PHACTR3: variants seen among roughly 807,000 people sequenced by gnomAD.
PHACTR3 encodes the protein phosphatase and actin regulator 3.
Under a neutral mutation model 66.8 loss-of-function variants are expected in PHACTR3, and 16 were observed. That is an observed-to-expected ratio of 0.24 (90% CI 0.16 to 0.36). The LOEUF (loss-of-function observed/expected upper bound fraction) is 0.36. Ranked by LOEUF, PHACTR3 falls within the 10% of genes least tolerant of loss-of-function variation. The pLI is 1.00. For missense variants in PHACTR3, 647 were observed against 719.9 expected (o/e 0.90, Z 1.16); for synonymous variants, 323 against 292.1 (o/e 1.11, Z -1.08).
intron 12 of PHACTR3, among the ~76,000 whole-genome samples, 155 bp downstream of exon 12, chr20:59,845,420 G>C (rs986631920): frequency 5.9e-5 from 9 of 152,118 alleles, no homozygotes; most frequent in African/African-American, 2.2e-4. Context: ...AAGTAAGAAT[G>C]CTGCCTGCTC....
At chr20:59,684,542 G>A (rs1302857391) in intron 1 of PHACTR3, among the ~76,000 whole-genome samples, 3 of 152,150 alleles carry the variant, frequency 2.0e-5, no homozygotes, top group South Asian at 2.1e-4. Context: ...ATCCACCCTA[G>A]GCTGATGGTG....
intron 1 of PHACTR3, among the ~76,000 whole-genome samples, chr20:59,618,013 G>A (rs1305385124): frequency 6.6e-6 from 1 of 152,218 alleles, no homozygotes; most frequent in Non-Finnish European, 1.5e-5. Context: ...AGCCCTGCGG[G>A]CTTGTGGAGG....
intron 8 of PHACTR3, among the ~76,000 whole-genome samples, chr20:59,835,162 G>A (rs1258325621): frequency 2.0e-5 from 3 of 152,216 alleles, no homozygotes; most frequent in Admixed American, 6.5e-5. Context: ...CATCTCCTGA[G>A]TGCTTGAATG....
chr20:59,787,320 G>C (rs2040947176), intron 7 of PHACTR3, among the ~76,000 whole-genome samples: 1 of 152,218 alleles, frequency 6.6e-6, no homozygotes, highest in Non-Finnish European at 1.5e-5. Flanking sequence ...TGGCTTCCGG[G>C]GCTGGGCTGG....
chr20:59,627,864 T>C (rs1261607362), intron 1 of PHACTR3, among the ~76,000 whole-genome samples: 1 of 152,234 alleles, frequency 6.6e-6, no homozygotes, highest in African/African-American at 2.4e-5. Context: ...TTTATTTATG[T>C]ATCAATATAT....
intron 3 of PHACTR3, among the ~76,000 whole-genome samples, chr20:59,752,553 G>A (rs1166472273): frequency 4.0e-5 from 1 of 24,946 alleles, no homozygotes; most frequent in East Asian, 1.1e-3. Flanking sequence ...CCGCAGCCCA[G>A]AGAAGTCCTG....
chr20:59,818,973 G>A (rs2041958200), intron 8 of PHACTR3, among the ~76,000 whole-genome samples: 1 of 152,040 alleles, frequency 6.6e-6, no homozygotes, highest in African/African-American at 2.4e-5. Context: ...TTGCTCCCTA[G>A]GAGACACTCG....
Position 59,755,346 on chromosome 20 carries a change from G to T in PHACTR3, c.523G>T (p.Ala175Ser). The change falls in exon 4 of 13, where the codon GCC (alanine) becomes TCC (serine). Residue 175 changes from alanine (A) to serine (S), a missense_variant. Ala to Ser is a moderately conservative substitution (Grantham distance 99). This residue lies in a region of PHACTR3 where 577 missense variants were observed against 571.1 expected (regional missense o/e 1.01). Transcript: ENST00000371015. ...VSLDKPLSSA[A>S]HLDDAAKMPS... Reference sequence around the variant, plus strand: ...CCTGGACAAGCCACTGTCCTCAGCTGCCCACTTGGACGATGCAGGTACTGG... The same window carrying T: ...CCTGGACAAGCCACTGTCCTCAGCTTCCCACTTGGACGATGCAGGTACTGG... 4 of 1,613,454 alleles carry T rather than the reference G, an allele frequency of 2.5e-6. No individual in the cohort carries two copies. The highest frequency in any genetic ancestry group is 2.5e-6 in the Non-Finnish European group (3 of 1,179,958).
At chr20:59,805,440 A>G (rs1172478912) in intron 7 of PHACTR3, among the ~76,000 whole-genome samples, 2 of 152,176 alleles carry the variant, frequency 1.3e-5, no homozygotes, top group Non-Finnish European at 2.9e-5. Context: ...AAAAGATATC[A>G]GTTGGTTGGG....
intron 9 of PHACTR3, among the ~76,000 whole-genome samples, chr20:59,838,187 G>T (rs906869461): frequency 6.6e-6 from 1 of 152,242 alleles, no homozygotes; most frequent in Non-Finnish European, 1.5e-5. Flanking sequence ...AAGGACCTGA[G>T]AATTTTACTG....
At chr20:59,682,036 GA>G (rs1363707520) in intron 1 of PHACTR3, among the ~76,000 whole-genome samples, 7 of 149,268 alleles carry the variant, frequency 4.7e-5, no homozygotes, top group African/African-American at 1.5e-4. Flanking sequence ...AAGAAAGAAA[GA>G]AAAAAATAAT....
At chr20:59,655,975 T>C (rs981325138) in intron 1 of PHACTR3, among the ~76,000 whole-genome samples, 1 of 151,972 alleles carries the variant, frequency 6.6e-6, no homozygotes, top group Non-Finnish European at 1.5e-5. Flanking sequence ...CTGTTATTGC[T>C]TTCTAATTTC....
intron 7 of PHACTR3, among the ~76,000 whole-genome samples, chr20:59,789,312 G>A (rs1050118803): frequency 3.3e-5 from 5 of 152,184 alleles, no homozygotes; most frequent in East Asian, 3.9e-4. Flanking sequence ...GCTATGTAAC[G>A]GGTTCTGTGC....
intron 1 of PHACTR3, among the ~76,000 whole-genome samples, chr20:59,691,010 A>C (rs573433976): frequency 6.6e-5 from 10 of 152,284 alleles, no homozygotes; most frequent in Admixed American, 2.6e-4. Context: ...TATGATCTGG[A>C]TGATTCTAGA....
At chr20:59,700,001 G>T (rs958270900) in intron 1 of PHACTR3, among the ~76,000 whole-genome samples, 1 of 152,192 alleles carries the variant, frequency 6.6e-6, no homozygotes, top group Non-Finnish European at 1.5e-5. Context: ...AGTTAAGTTT[G>T]CATACTAAAC....
intron 1 of PHACTR3, among the ~76,000 whole-genome samples, chr20:59,640,968 C>G (rs1460092402): frequency 1.3e-5 from 2 of 152,112 alleles, no homozygotes; most frequent in African/African-American, 2.4e-5. Context: ...GTGTTTCTCT[C>G]TATATATATG....
At chr20:59,716,770 C>G (rs1296852357) in intron 1 of PHACTR3, among the ~76,000 whole-genome samples, 1 of 152,198 alleles carries the variant, frequency 6.6e-6, no homozygotes, top group Admixed American at 6.5e-5. Context: ...ATGATGAAAA[C>G]AGTTGCACCT....
In PHACTR3 at chr20:59,587,136, G is replaced by A. The variant is rs553203516; in HGVS notation, c.109+9519G>A. On this transcript the variant is annotated intron_variant, in intron 1 of 12. Coordinates refer to the PHACTR3 transcript ENST00000359926. ...CCTTTCCCTGTAGGTGGGATGTGGT[G>A]CCCCACAGGTGGGACCCCGTGTGCC... Among the ~76,000 whole-genome samples the A allele has an allele frequency of 2.1e-4, 32 of 152,302 alleles. No individual in the cohort carries two copies. In the South Asian group the frequency reaches 4.8e-3, roughly 23 times the overall value.
chr20:59,652,574 T>C (rs1221831819), intron 1 of PHACTR3, among the ~76,000 whole-genome samples: 1 of 152,190 alleles, frequency 6.6e-6, no homozygotes, highest in African/African-American at 2.4e-5. Flanking sequence ...TAAAAAATGC[T>C]AATCTCATCA....
Sources: gnomAD v4.1 joint callset for allele counts (sites outside exome capture counted in the v4.1 genomes callset) on GRCh38, gnomAD v4.1.1 for gene constraint, gnomAD v4.1.1 regional missense constraint, MANE v1.5 for transcripts, NCBI Gene and HGNC (gene_info 2026-07-23, HGNC 2026-07-21) for gene names.